TMEM132D: variants seen among roughly 807,000 people sequenced by gnomAD.
TMEM132D encodes mature OL transmembrane protein.
TMEM132D carries 21 observed loss-of-function variants against 62.3 expected under a neutral mutation model. The observed-to-expected ratio is 0.34, with a 90% CI of 0.24 to 0.49. The LOEUF is 0.49. Among genes scored for constraint, TMEM132D ranks in the 20% least tolerant of loss-of-function variants. TMEM132D has a pLI of 0.99. For synonymous variants in TMEM132D, 621 were observed against 575.6 expected, an observed-to-expected ratio of 1.08 and a Z score of -1.13; for missense variants, 1,346 against 1,402.8, an observed-to-expected ratio of 0.96 and a Z score of 0.65.
chr12:129,367,743 G>A (rs1427006458), intron 3 of TMEM132D, among the ~76,000 whole-genome samples: 1 of 151,502 alleles, frequency 6.6e-6, no homozygotes. Flanking sequence ...TAGATAGATA[G>A]GTTAAGGAAG....
intron 3 of TMEM132D, among the ~76,000 whole-genome samples, chr12:129,364,072 G>A (rs1870331800): frequency 6.6e-6 from 1 of 152,204 alleles, no homozygotes; most frequent in Non-Finnish European, 1.5e-5. Context: ...AGAGTTTTTA[G>A]TGTGGAAAGT....
intron 2 of TMEM132D, among the ~76,000 whole-genome samples, chr12:129,662,812 A>AAAAGAGAG (rs1555224287): frequency 1.2e-5 from 1 of 83,400 alleles, no homozygotes; most frequent in Non-Finnish European, 2.2e-5. Context: ...AAAAAAAAAA[A>AAAAGAGAG]AGAGAGAGAG....
At chr12:129,642,633 A>C (rs12828837) in intron 2 of TMEM132D, among the ~76,000 whole-genome samples, 77,507 of 151,968 alleles carry the variant, frequency 0.51, 19,815 homozygotes, top group Middle Eastern at 0.62. Flanking sequence ...CTTATTCTTC[A>C]TTTACTATAA....
intron 5 of TMEM132D, among the ~76,000 whole-genome samples, chr12:129,172,688 C>T (rs1408955684): frequency 6.6e-6 from 1 of 152,188 alleles, no homozygotes; most frequent in African/African-American, 2.4e-5. Context: ...AAGTGATTCT[C>T]CTGCCTCAGC....
At chr12:129,812,525 C>T (rs1452033201) in intron 1 of TMEM132D, among the ~76,000 whole-genome samples, 1 of 151,790 alleles carries the variant, frequency 6.6e-6, no homozygotes, top group Non-Finnish European at 1.5e-5. Flanking sequence ...TCCATTTCCT[C>T]GTTAGTCTTC....
chr12:129,556,528 A>C (rs1440156845), intron 2 of TMEM132D, among the ~76,000 whole-genome samples: 1 of 152,114 alleles, frequency 6.6e-6, no homozygotes, highest in African/African-American at 2.4e-5. Flanking sequence ...TGGTGACCGA[A>C]AATGGTAGAA....
In TMEM132D at chr12:129,293,203, C is replaced by A. The variant is rs147609805; in HGVS notation, c.1299+44431G>T. Among the ~76,000 whole-genome samples, 280 of 152,200 alleles carry A rather than the reference C, an allele frequency of 1.8e-3. 1 individual carries two copies. Among genetic ancestry groups the A allele is most frequent in the African/African-American group, 6.6e-3 (275 of 41,516 alleles). On this transcript the variant is annotated intron_variant, in intron 4 of 8. Transcript: ENST00000422113. ...TGCCCAGGAGTATTGCAGAAGTAGC[C>A]CCAAGAGCCTCTGGACCCAAAAAGT...
At chr12:129,571,628 G>A (rs992942519) in intron 2 of TMEM132D, among the ~76,000 whole-genome samples, 1 of 151,996 alleles carries the variant, frequency 6.6e-6, no homozygotes, top group Non-Finnish European at 1.5e-5. Flanking sequence ...GACGGAGGGA[G>A]AGGAGACACA....
chr12:129,767,074 G>C (rs1267101813), intron 1 of TMEM132D, among the ~76,000 whole-genome samples: 1 of 152,232 alleles, frequency 6.6e-6, no homozygotes, highest in Non-Finnish European at 1.5e-5. Context: ...TCACAGAGCT[G>C]TTACCCAGCT....
At position 129,217,441 on chromosome 12, in the gene TMEM132D, G is replaced by A. The variant is rs150836664; in HGVS notation, c.1300-7778C>T. 3.5e-3 allele frequency among the ~76,000 whole-genome samples: 540 copies of A among 152,320 alleles called. 2 individuals carry two copies. Among genetic ancestry groups the A allele is most frequent in the Middle Eastern group, 6.8e-3 (2 of 294 alleles). On this transcript the variant is annotated intron_variant, in intron 4 of 8. Transcript: ENST00000422113. ...TGCACCCAATCTGAGCACCCCATTG[G>A]AGGAGGTTAGAGGGGGCAAACATTC... is the stretch of plus-strand genomic sequence containing the variant.
At chr12:129,145,372 G>A (rs192602615) in intron 5 of TMEM132D, among the ~76,000 whole-genome samples, 1 of 152,232 alleles carries the variant, frequency 6.6e-6, no homozygotes, top group East Asian at 1.9e-4. Flanking sequence ...GGGGGGTTCA[G>A]GGATGCGTTT....
At chr12:129,608,666 T>A (rs578214462) in intron 2 of TMEM132D, among the ~76,000 whole-genome samples, 1 of 152,346 alleles carries the variant, frequency 6.6e-6, no homozygotes, top group Non-Finnish European at 1.5e-5. Context: ...GGTAGCCTCT[T>A]TTAATGGGTA....
intron 3 of TMEM132D, among the ~76,000 whole-genome samples, chr12:129,376,237 A>G (rs998338726): frequency 3.3e-5 from 5 of 152,198 alleles, no homozygotes; most frequent in Admixed American, 2.0e-4. Flanking sequence ...CATACCTGAG[A>G]CTGGGTGATG....
In TMEM132D at chr12:129,702,709, G is replaced by A. The variant is rs969379132; in HGVS notation, c.80-2011C>T. On this transcript the variant is annotated intron_variant, in intron 1 of 8. Transcript: ENST00000422113. ...ACTCCAGTGTGTGATATGCCAGGGA[G>A]CAGAAATGACACGCAAGGCTTTTTT... is the stretch of plus-strand genomic sequence containing the variant. 3.3e-5 allele frequency among the ~76,000 whole-genome samples: 5 copies of A among 152,346 alleles called. No homozygotes were observed. The South Asian group carries it at 6.2e-4, about 19-fold the overall frequency.
chr12:129,242,989 T>C (rs1400972556), intron 4 of TMEM132D, among the ~76,000 whole-genome samples: 1 of 125,232 alleles, frequency 8.0e-6, no homozygotes, highest in African/African-American at 2.9e-5. Flanking sequence ...TCCCACATCT[T>C]GTCTGTTTAT....
In TMEM132D at chr12:129,222,755, G is replaced by A. The variant is rs537986402; in HGVS notation, c.1300-13092C>T. On this transcript the variant is annotated intron_variant, in intron 4 of 8. Transcript: ENST00000422113. ...GTGGTTGCCAGGAACTGGGTGAGGTGTTGGGGGAAATGGGGAATTTTGGTT... is the reference window on the plus strand; with the variant it reads ...GTGGTTGCCAGGAACTGGGTGAGGTATTGGGGGAAATGGGGAATTTTGGTT... 2.6e-5 allele frequency among the ~76,000 whole-genome samples: 4 copies of A among 152,288 alleles called. 1 individual carries two copies. Among genetic ancestry groups the A allele is most frequent in the South Asian group, 2.1e-4 (1 of 4,812 alleles).
chr12:129,226,596 G>T (rs571686274), intron 4 of TMEM132D, among the ~76,000 whole-genome samples: 5 of 152,344 alleles, frequency 3.3e-5, no homozygotes, highest in African/African-American at 9.6e-5. Flanking sequence ...GACAGCTCCA[G>T]GTAATTGCTG....
chr12:129,828,766 G>A (rs1469262360), intron 1 of TMEM132D, among the ~76,000 whole-genome samples: 2 of 112,522 alleles, frequency 1.8e-5, no homozygotes, highest in African/African-American at 6.5e-5. Context: ...AAAGGAGGGA[G>A]GGAGGGAGGA....
chr12:129,571,534 A>G (rs1039610993), intron 2 of TMEM132D, among the ~76,000 whole-genome samples: 1 of 152,082 alleles, frequency 6.6e-6, no homozygotes, highest in Non-Finnish European at 1.5e-5. Flanking sequence ...ACCACTGCCA[A>G]TGCACTCCAG....
Sources: allele counts gnomAD v4.1 joint callset (sites outside exome capture counted in the v4.1 genomes callset), GRCh38; gene constraint gnomAD v4.1.1; transcripts MANE v1.5; gene names NCBI Gene and HGNC (gene_info 2026-07-23, HGNC 2026-07-21).